The following LMOD1 variants were observed in gnomAD, a reference collection of about 807,000 sequenced individuals.
The protein encoded by LMOD1 is leiomodin-1.
A neutral mutation model predicts 36.5 loss-of-function variants in LMOD1; 8 were observed. The ratio of observed to expected loss-of-function variants is 0.22; its 90% CI spans 0.13 to 0.40. The LOEUF is 0.40. Ranked by LOEUF, LMOD1 falls within the 10% of genes least tolerant of loss-of-function variation. The probability of loss-of-function intolerance (pLI) is 1.00; values close to 1 mark genes in which losing one functional copy is unlikely to be tolerated. For missense variants in LMOD1, 630 were observed against 751.1 expected (o/e 0.84, Z 1.88); for synonymous variants, 284 against 288.7 (o/e 0.98, Z 0.17).
At chr1:201,941,855 G>A (rs1002355405) in intron 1 of LMOD1, among the ~76,000 whole-genome samples, 2 of 152,232 alleles carry the variant, frequency 1.3e-5, no homozygotes, top group African/African-American at 4.8e-5. Flanking sequence ...GCTGGGTACA[G>A]GCGCTAATCC....
Position 201,900,229 on chromosome 1 carries a change from T to C in LMOD1, c.784A>G (p.Thr262Ala), listed in dbSNP as rs754498749. Residue 262 changes from threonine (T) to alanine (A), a missense_variant, in exon 2 of 3, where the codon ACA becomes GCA. This residue lies in a region of LMOD1 where 405 missense variants were observed against 400.6 expected (regional missense o/e 1.01). Coordinates refer to ENST00000367288, the MANE Select transcript of LMOD1 (RefSeq NM_012134.3). ...TTTTCATCGTCCTTTTTGGTGTCTG[T>C]GTTCCCAGTTCCTCTTTTTACCTTC... ...DEKVKRGTGN[T>A]DTKKDDEKVK... The C allele has an allele frequency of 4.3e-6, 7 of 1,613,976 alleles. No individual in the cohort carries two copies. Among genetic ancestry groups the C allele is most frequent in the Middle Eastern group, 3.3e-4 (2 of 6,062 alleles).
In LMOD1 at chr1:201,898,089, C is replaced by G. The variant is rs1681223648; in HGVS notation, c.*283G>C. 1 of 496,430 alleles carries G rather than the reference C, an allele frequency of 2.0e-6. No individual in the cohort carries two copies. The allele number at this position is 496,430 out of a possible 1,614,324, so 30.8% of individuals were successfully genotyped here. On this transcript the variant is annotated 3_prime_UTR_variant, in exon 3 of 3. Transcript: ENST00000367288. ...GCTTGCCAGCTACATGGGCCCTGGA[C>G]AGTGCCATCTTCTCAGTGATGTGCT...
At chr1:201,898,950 A>T (rs1681240232) in intron 2 of LMOD1, among the ~76,000 whole-genome samples, 1 of 152,184 alleles carries the variant, frequency 6.6e-6, no homozygotes, top group African/African-American at 2.4e-5. Flanking sequence ...TCTCCATTTT[A>T]AGGAGAAACA....
rs922622827 is a variant in LMOD1, at chr1:201,946,477, G to A, written c.-137C>T. ...GCTGGTCGAGGACTGCAGCTCCTTG[G>A]CCCTTCTGTGCTACAGGTGCTGAAG... On this transcript the variant is annotated 5_prime_UTR_variant, in exon 1 of 3. Transcript: ENST00000367288. 15 of 846,058 alleles carry A rather than the reference G, an allele frequency of 1.8e-5. No homozygotes were observed. Among genetic ancestry groups the A allele is most frequent in the Non-Finnish European group, 2.5e-5 (14 of 549,406 alleles). 52.4% of individuals were successfully genotyped at this position (846,058 alleles called of 1,614,324 possible).
intron 1 of LMOD1, among the ~76,000 whole-genome samples, chr1:201,922,893 C>T (rs551802509): frequency 3.9e-5 from 6 of 151,972 alleles, no homozygotes; most frequent in African/African-American, 9.6e-5. Flanking sequence ...GGCACGATCT[C>T]GGCTCACTGC....
At chr1:201,904,250 G>T (rs1389644347) in intron 1 of LMOD1, among the ~76,000 whole-genome samples, 1 of 152,026 alleles carries the variant, frequency 6.6e-6, no homozygotes, top group African/African-American at 2.4e-5. Flanking sequence ...CACTGTTGTT[G>T]CCCAGGCTGG....
chr1:201,901,512 ATATATATATAT>A (rs1681300979), intron 1 of LMOD1, among the ~76,000 whole-genome samples: 1 of 35,000 alleles, frequency 2.9e-5, no homozygotes, highest in Non-Finnish European at 4.9e-5. Flanking sequence ...CAAAAAAAAA[ATATATATATAT>A]ATATATGTAT....
intron 1 of LMOD1, among the ~76,000 whole-genome samples, chr1:201,911,130 T>C (rs1383043159): frequency 6.6e-6 from 1 of 152,132 alleles, no homozygotes; most frequent in Non-Finnish European, 1.5e-5. Flanking sequence ...CATGTGATCA[T>C]TTGGCCAGAT....
At chr1:201,922,280 C>A (rs1364103895) in intron 1 of LMOD1, among the ~76,000 whole-genome samples, 1 of 152,146 alleles carries the variant, frequency 6.6e-6, no homozygotes, top group Non-Finnish European at 1.5e-5. Context: ...CCACAAAAAG[C>A]TTCCACACAA....
intron 1 of LMOD1, among the ~76,000 whole-genome samples, chr1:201,908,749 T>TGGTGATGA (rs1287791219): frequency 2.6e-5 from 4 of 152,136 alleles, no homozygotes; most frequent in Admixed American, 1.3e-4. Flanking sequence ...TGGAAATGCT[T>TGGTGATGA]GGTGATGACA....
At chr1:201,909,053 C>A (rs1681452297) in intron 1 of LMOD1, among the ~76,000 whole-genome samples, 1 of 152,228 alleles carries the variant, frequency 6.6e-6, no homozygotes. Flanking sequence ...TCCAGGGCAC[C>A]CCCCAGGGGA....
At chr1:201,940,587 C>CTTT (rs1256274142) in intron 1 of LMOD1, among the ~76,000 whole-genome samples, 1 of 122,036 alleles carries the variant, frequency 8.2e-6, no homozygotes, top group Non-Finnish European at 1.8e-5. Context: ...TGCTCAAAGT[C>CTTT]TTTTTTTTTT....
chr1:201,903,303 T>C lies in LMOD1; in HGVS notation c.262-2552A>G, dbSNP rs546290164. 1.3e-3 allele frequency among the ~76,000 whole-genome samples: 200 copies of C among 152,296 alleles called. 1 individual carries two copies. The highest frequency in any genetic ancestry group is 2.1e-3 in the Non-Finnish European group (141 of 68,020). On this transcript the variant is annotated intron_variant, in intron 1 of 2. Coordinates refer to ENST00000367288, the MANE Select transcript of LMOD1 (RefSeq NM_012134.3). ...AGCAGCCAAGGGGCACAGGGCCTAGTGAGACAGGGCCTTGGAATGTATCTG... is the reference window on the plus strand; with the variant it reads ...AGCAGCCAAGGGGCACAGGGCCTAGCGAGACAGGGCCTTGGAATGTATCTG...
rs557335458 is a variant in LMOD1 at position 201,932,855 on chromosome 1, C to A, written c.261+13225G>T. Among the ~76,000 whole-genome samples the A allele has an allele frequency of 7.2e-5, 11 of 152,292 alleles. No individual in the cohort carries two copies. The South Asian group carries it at 1.2e-3, about 17-fold the overall frequency. ...TTTTTGTATCTTTTCCTCATGGAGA[C>A]CTTCAAATTAGGTGGTATCATCCTT... On this transcript the variant is annotated intron_variant, in intron 1 of 2. Transcript: ENST00000367288.
intron 1 of LMOD1, among the ~76,000 whole-genome samples, chr1:201,901,542 A>ATATATATATG: frequency 1.9e-5 from 1 of 53,420 alleles, no homozygotes; most frequent in South Asian, 7.0e-4. Flanking sequence ...ATATATATAT[A>ATATATATATG]TATATATATA....
chr1:201,905,951 T>C (rs1488914884), intron 1 of LMOD1, among the ~76,000 whole-genome samples: 1 of 152,258 alleles, frequency 6.6e-6, no homozygotes, highest in Non-Finnish European at 1.5e-5. Context: ...ACCGAGGTGA[T>C]GGCAGTTCCG....
chr1:201,904,519 C>T, intron 1 of LMOD1, among the ~76,000 whole-genome samples: 2 of 152,270 alleles, frequency 1.3e-5, no homozygotes, highest in Middle Eastern at 3.4e-3. Flanking sequence ...CTCAATTTAA[C>T]CTTCTTTCTT....
intron 1 of LMOD1, among the ~76,000 whole-genome samples, chr1:201,940,421 G>A (rs1682094381): frequency 6.6e-6 from 1 of 151,632 alleles, no homozygotes; most frequent in African/African-American, 2.4e-5. Context: ...TCTTGATCTC[G>A]TGATCCACCC....
chr1:201,946,237 T>C lies in LMOD1; in HGVS notation c.104A>G (p.Glu35Gly), dbSNP rs771571360. The C allele has an allele frequency of 3.7e-6, 6 of 1,614,010 alleles. No homozygotes were observed. The highest frequency in any genetic ancestry group is 5.1e-6 in the Non-Finnish European group (6 of 1,179,886). Reference protein sequence around the residue: ...SPEEMEELEKELDVVDPDGSV... With the variant: ...SPEEMEELEKGLDVVDPDGSV... Reference sequence around the variant, plus strand: ...CCCGTCTGGGTCCACCACGTCCAGCTCCTTCTCCAGCTCCTCCATCTCCTC... The same window carrying C: ...CCCGTCTGGGTCCACCACGTCCAGCCCCTTCTCCAGCTCCTCCATCTCCTC... The change falls in exon 1 of 3, where the codon GAG becomes GGG. Residue 35 changes from glutamate (E) to glycine (G), a missense_variant. Physicochemically the swap from Glu to Gly is moderately conservative, Grantham distance 98 (BLOSUM62 -2). This residue lies in a region of LMOD1 where 405 missense variants were observed against 400.6 expected (regional missense o/e 1.01). Transcript: ENST00000367288.
Sources: allele counts gnomAD v4.1 joint callset (sites outside exome capture counted in the v4.1 genomes callset), GRCh38; gene constraint gnomAD v4.1.1; regional missense constraint gnomAD v4.1.1; transcripts MANE v1.5; gene names NCBI Gene and HGNC (gene_info 2026-07-23, HGNC 2026-07-21).